DGKG: variants seen among roughly 807,000 people sequenced by gnomAD.
DGKG encodes DAG kinase gamma.
A neutral mutation model predicts 105.3 loss-of-function variants in DGKG; 78 were observed. The ratio of observed to expected loss-of-function variants is 0.74; its 90% CI spans 0.62 to 0.89. DGKG has a LOEUF of 0.89. DGKG is among the 40% of genes least tolerant of loss of function. The probability of loss-of-function intolerance (pLI) is 0.00; values close to 1 mark genes in which losing one functional copy is unlikely to be tolerated. For missense variants in DGKG, 958 were observed against 1,020.1 expected (o/e 0.94, Z 0.83); for synonymous variants, 346 against 367.1 (o/e 0.94, Z 0.66).
At chr3:186,270,873 G>T (rs1458831801) in intron 11 of DGKG, among the ~76,000 whole-genome samples, 1 of 152,184 alleles carries the variant, frequency 6.6e-6, no homozygotes, top group Non-Finnish European at 1.5e-5. Context: ...TGCCCTGCTG[G>T]CCCCTCATTG....
chr3:186,275,496 C>A, intron 10 of DGKG, 51 bp downstream of exon 10: 10 of 1,483,598 alleles, frequency 6.7e-6, no homozygotes, highest in South Asian at 1.1e-5. Context: ...ACCAACCATG[C>A]GCAGAGCAAG....
intron 22 of DGKG, among the ~76,000 whole-genome samples, chr3:186,175,732 A>G (rs548590036): frequency 9.1e-4 from 138 of 152,348 alleles, no homozygotes; most frequent in Non-Finnish European, 1.2e-3. Context: ...AGAAGCAAGA[A>G]TCGACACATG....
rs577823596 is a variant in DGKG at position 186,257,673 on chromosome 3, T to C, written c.1510+181A>G. The C allele has an allele frequency of 7.5e-5, 42 of 559,466 alleles. No individual in the cohort carries two copies. In the East Asian group the frequency reaches 1.1e-3, roughly 15 times the overall value. The allele number at this position is 559,466 out of a possible 1,614,324, so 34.7% of individuals were successfully genotyped here. On this transcript the variant is annotated intron_variant, in intron 17 of 24. Transcript: ENST00000265022. The stretch of plus-strand genomic sequence containing the variant: ...CGTATTGGAGGGAATCATTCGATTG[T>C]CTTATTTCTTTTTTTTTTTTTTTTC...
chr3:186,221,867 C>T (rs1719598783), intron 20 of DGKG, among the ~76,000 whole-genome samples: 1 of 152,238 alleles, frequency 6.6e-6, no homozygotes, highest in Non-Finnish European at 1.5e-5. Flanking sequence ...ACTACCGTGA[C>T]CGCCGGGTGG....
intron 17 of DGKG, among the ~76,000 whole-genome samples, chr3:186,257,112 G>A (rs746670092): frequency 5.2e-4 from 79 of 152,258 alleles, no homozygotes; most frequent in Non-Finnish European, 8.7e-4. Flanking sequence ...AGGGCTCATC[G>A]CTCAGGGCCC....
intron 22 of DGKG, among the ~76,000 whole-genome samples, chr3:186,174,474 C>G (rs1234408926): frequency 6.6e-6 from 1 of 151,976 alleles, no homozygotes; most frequent in Non-Finnish European, 1.5e-5. Context: ...GGGGAGGATT[C>G]TGAAAAAGAG....
chr3:186,312,594 G>C (rs1157567090), intron 2 of DGKG, among the ~76,000 whole-genome samples: 1 of 152,170 alleles, frequency 6.6e-6, no homozygotes, highest in African/African-American at 2.4e-5. Flanking sequence ...GGTGGGCAGG[G>C]GGAGTCACTG....
intron 22 of DGKG, among the ~76,000 whole-genome samples, chr3:186,168,330 G>A (rs1044806752): frequency 1.3e-5 from 2 of 152,142 alleles, no homozygotes; most frequent in Non-Finnish European, 2.9e-5. Context: ...TGGTAGCAAA[G>A]CCTTGTACAG....
intron 1 of DGKG, among the ~76,000 whole-genome samples, chr3:186,351,422 C>G (rs1005488518): frequency 6.6e-6 from 1 of 152,106 alleles, no homozygotes; most frequent in East Asian, 1.9e-4. Flanking sequence ...AATACTGGTT[C>G]GAGGCCCCCT....
rs1045275977 is a variant in DGKG, at chr3:186,210,624, G to A, written c.1917+1171C>T. On this transcript the variant is annotated intron_variant, in intron 21 of 24. Coordinates refer to ENST00000265022, the MANE Select transcript of DGKG (RefSeq NM_001346.3). This position sits in a 1 kb window ranked among gnomAD's most constrained non-coding sequence, Gnocchi z 5.2. ...TTTTGTTTGTGAAAACTCCCTGTGA[G>A]TGAGGAGCACAGGGGCCCTTCCGGC... The A allele has an allele frequency of 2.2e-6, 1 of 454,358 alleles. No individual in the cohort carries two copies. Among genetic ancestry groups the A allele is most frequent in the South Asian group, 1.6e-5 (1 of 64,486 alleles). The allele number at this position is 454,358 out of a possible 1,614,324, so 28.1% of individuals were successfully genotyped here.
At chr3:186,209,093 C>CTTTTTT (rs34226259) in intron 21 of DGKG, among the ~76,000 whole-genome samples, 20 of 89,784 alleles carry the variant, frequency 2.2e-4, no homozygotes, top group African/African-American at 2.4e-4. Context: ...GTTTACTCTT[C>CTTTTTT]TTTTTTTTTT....
intron 20 of DGKG, among the ~76,000 whole-genome samples, chr3:186,219,915 G>T (rs999402144): frequency 9.9e-5 from 15 of 152,170 alleles, no homozygotes; most frequent in Admixed American, 3.9e-4. Context: ...AGGTCTTCAG[G>T]GTTCAGGGAC....
intron 20 of DGKG, among the ~76,000 whole-genome samples, chr3:186,225,471 T>C (rs945072940): frequency 1.1e-4 from 16 of 152,102 alleles, no homozygotes; most frequent in African/African-American, 3.6e-4. Context: ...ACGTGACAAG[T>C]TGGAGGGCCA....
rs765609936 is a variant in DGKG, at chr3:186,150,162, C to A, written c.2304G>T (p.Ala768=). The A allele has an allele frequency of 6.2e-7, 1 of 1,613,162 alleles. No homozygotes were observed. The highest frequency in any genetic ancestry group is 8.5e-7 in the Non-Finnish European group (1 of 1,179,612). The part of the protein sequence containing the change: ...CTIKITHKNQ[A]PMMMGPPQKS... ...TCTGGGGAGGCCCCATCATCATGGG[C>A]GCTTGGTTCTTGTGAGTAATTTTAA... is the stretch of plus-strand genomic sequence containing the variant. The change falls in exon 25 of 25, where the codon GCG becomes GCT. Residue 768 remains alanine, a synonymous_variant. Coordinates refer to ENST00000265022, the MANE Select transcript of DGKG (RefSeq NM_001346.3).
chr3:186,281,918 G>A (rs1039767987), intron 7 of DGKG, among the ~76,000 whole-genome samples: 1 of 152,166 alleles, frequency 6.6e-6, no homozygotes, highest in Non-Finnish European at 1.5e-5. Flanking sequence ...AGAATCATAG[G>A]GGACGGATTC....
chr3:186,239,939 T>A (rs979350491), intron 20 of DGKG, among the ~76,000 whole-genome samples: 4 of 151,904 alleles, frequency 2.6e-5, no homozygotes, highest in Admixed American at 1.3e-4. Flanking sequence ...TCTTTCTAAT[T>A]GTACTTAATC....
chr3:186,319,473 A>G (rs1283601241), intron 2 of DGKG, among the ~76,000 whole-genome samples: 1 of 152,216 alleles, frequency 6.6e-6, no homozygotes, highest in East Asian at 1.9e-4. Flanking sequence ...CAAGAGCAAT[A>G]GAGCAGGTCA....
intron 19 of DGKG, among the ~76,000 whole-genome samples, chr3:186,243,309 C>A (rs1044067665): frequency 2.0e-5 from 3 of 151,996 alleles, no homozygotes; most frequent in African/African-American, 7.3e-5. Context: ...GTGGACACTG[C>A]CCTCCTATTA....
chr3:186,269,354 G>C (rs748522359), intron 11 of DGKG, among the ~76,000 whole-genome samples: 4 of 152,192 alleles, frequency 2.6e-5, no homozygotes, highest in Admixed American at 1.3e-4. Context: ...GGTGGCCTTT[G>C]GCCAGTTCTT....
Sources: allele counts gnomAD v4.1 joint callset (sites outside exome capture counted in the v4.1 genomes callset), GRCh38; gene constraint gnomAD v4.1.1; non-coding constraint Gnocchi (gnomAD v3.1); transcripts MANE v1.5; gene names NCBI Gene and HGNC (gene_info 2026-07-23, HGNC 2026-07-21).